The following STAG3 variants were observed in gnomAD, a reference collection of about 807,000 sequenced individuals.
STAG3 encodes cohesin subunit SA-3.
In STAG3, 101 loss-of-function variants were observed where a neutral mutation model predicts 160.7. The observed-to-expected ratio is 0.63, with a 90% CI of 0.54 to 0.74. STAG3 has a LOEUF of 0.74. Among genes scored for constraint, STAG3 ranks in the 30% least tolerant of loss-of-function variants. STAG3 has a pLI of 0.00. For missense variants in STAG3, 1,188 were observed against 1,517.4 expected (o/e 0.78, Z 3.61); for synonymous variants, 519 against 585.0 (o/e 0.89, Z 1.63).
In STAG3 at chr7:100,204,421, C is replaced by T. The variant is rs79986079; in HGVS notation, c.2803-206C>T. Among the ~76,000 whole-genome samples the T allele has an allele frequency of 0.17, 25,159 of 152,114 alleles. 2,657 individuals are homozygous for T. Among genetic ancestry groups the T allele is most frequent in the Middle Eastern group, 0.31 (92 of 294 alleles). On this transcript the variant is annotated intron_variant, in intron 26 of 33. Transcript: ENST00000615138. Reference sequence around the variant, plus strand: ...CTCAGCCTCCTTCAGTTACTATAGACGTTTTTATTTAATGTTATGGAGTAG... The same window carrying T: ...CTCAGCCTCCTTCAGTTACTATAGATGTTTTTATTTAATGTTATGGAGTAG...
intron 21 of STAG3, 124 bp downstream of exon 21, chr7:100,201,475 G>A (rs1450345380): frequency 3.8e-6 from 3 of 797,406 alleles, no homozygotes; most frequent in Admixed American, 4.6e-5. Context: ...GGAAGATCAG[G>A]TGGGTGGGGG....
chr7:100,190,468 A>C (rs1342065144), intron 8 of STAG3, among the ~76,000 whole-genome samples: 2 of 152,172 alleles, frequency 1.3e-5, no homozygotes, highest in Non-Finnish European at 2.9e-5. Flanking sequence ...GTTATTTTGC[A>C]TTGTCAGGTT....
chr7:100,187,328 T>C (rs1455803038), intron 5 of STAG3, among the ~76,000 whole-genome samples: 2 of 152,104 alleles, frequency 1.3e-5, no homozygotes, highest in Non-Finnish European at 2.9e-5. Context: ...TGGCCTGTTT[T>C]TTGGTTTGTT....
Position 100,213,759 on chromosome 7 carries a change from A to T in STAG3, c.3625A>T (p.Ser1209Cys). ...GCAAGCAAGTAGCTACTCTTCCACC[A>T]GTGAGCGCGGGCTGGACCTCTTAGA... Reference protein sequence around the residue: ...DMQASSYSSTSERGLDLLDST... With the variant: ...DMQASSYSSTCERGLDLLDST... The change falls in exon 33 of 34, where the codon AGT (serine) becomes TGT (cysteine). Residue 1209 changes from serine to cysteine, a missense_variant. Around this residue, in one of 4 missense-constraint regions of STAG3, gnomAD observed 647 missense variants for 717.2 expected, o/e 0.90. Transcript: ENST00000615138. 6.2e-7 allele frequency: 1 copy of T among 1,614,228 alleles called. No individual in the cohort carries two copies. Among genetic ancestry groups the T allele is most frequent in the Non-Finnish European group, 8.5e-7 (1 of 1,180,044 alleles).
At chr7:100,194,036 C>T (rs1482068521) in intron 8 of STAG3, among the ~76,000 whole-genome samples, 4 of 148,646 alleles carry the variant, frequency 2.7e-5, no homozygotes, top group Non-Finnish European at 5.9e-5. Context: ...CAACCTCCAT[C>T]TCCTGGGTTC....
intron 29 of STAG3, among the ~76,000 whole-genome samples, chr7:100,205,799 C>G (rs1360256379): frequency 1.3e-5 from 2 of 149,938 alleles, no homozygotes; most frequent in African/African-American, 4.9e-5. Context: ...GACTGCACCC[C>G]AGCCTGGGTG....
At position 100,200,448 on chromosome 7, in the gene STAG3, C is replaced by T. The variant is rs2117308174; in HGVS notation, c.1771-5C>T. ...GTAAGGAGGCCTCCCTGTCAATCAT[C>T]ACAGTTCTCAGCTGATGCAGAGAAG... On this transcript the variant is annotated splice_polypyrimidine_tract_variant and splice_region_variant and intron_variant, in intron 17 of 33. Transcript: ENST00000615138. 1 of 1,614,100 alleles carries T rather than the reference C, an allele frequency of 6.2e-7. No homozygotes were observed. The highest frequency in any genetic ancestry group is 2.2e-5 in the East Asian group (1 of 44,864).
At chr7:100,211,913 A>G (rs766508993) in intron 32 of STAG3, 37 bp downstream of exon 32, 13 of 1,599,020 alleles carry the variant, frequency 8.1e-6, no homozygotes, top group Non-Finnish European at 1.1e-5. Context: ...CTCAAGAACT[A>G]GGGGCTGATG....
chr7:100,198,686 C>A, intron 13 of STAG3, 104 bp downstream of exon 13: 1 of 1,266,462 alleles, frequency 7.9e-7, no homozygotes, highest in Non-Finnish European at 1.1e-6. Context: ...TGAAAGTCTC[C>A]CTGGTGTCTC....
chr7:100,186,538 G>T (rs1271241256), intron 5 of STAG3, among the ~76,000 whole-genome samples: 1 of 152,092 alleles, frequency 6.6e-6, no homozygotes. Flanking sequence ...GGGAAACATG[G>T]CGAAACCCCT....
At position 100,186,246 on chromosome 7, in the gene STAG3, C is replaced by G. The variant is rs140896359; in HGVS notation, c.383C>G (p.Ala128Gly). The G allele has an allele frequency of 1.1e-5, 17 of 1,614,062 alleles. No homozygotes were observed. In the African/African-American group the frequency reaches 2.1e-4, roughly 20 times the overall value. ...WLDSYKQDQD[A>G]GFLELVNFFI... Reference sequence around the variant, plus strand: ...GATAGCTACAAGCAAGACCAGGATGCAGGATTTCTGGAGCTTGTTAACTTT... The same window carrying G: ...GATAGCTACAAGCAAGACCAGGATGGAGGATTTCTGGAGCTTGTTAACTTT... Residue 128 changes from alanine (A) to glycine (G), a missense_variant, in exon 5 of 34, where the codon GCA becomes GGA. Around this residue, in one of 4 missense-constraint regions of STAG3, gnomAD observed 296 missense variants for 404.0 expected, o/e 0.73. Coordinates refer to ENST00000615138, the MANE Select transcript of STAG3 (RefSeq NM_001282717.2).
In STAG3 at chr7:100,180,483, T is replaced by G. The variant is rs764774244; in HGVS notation, c.-64-10T>G. The G allele has an allele frequency of 3.5e-6, 3 of 865,556 alleles. No homozygotes were observed. Among genetic ancestry groups the G allele is most frequent in the Non-Finnish European group, 5.9e-6 (3 of 504,948 alleles). 53.6% of individuals were successfully genotyped at this position (865,556 alleles called of 1,614,324 possible). Reference sequence around the variant, plus strand: ...TGTGGTAGGAGCCCTTTCTTCTCTTTCTTCCCCAGCTGGATCGCCATACCT... The same window carrying G: ...TGTGGTAGGAGCCCTTTCTTCTCTTGCTTCCCCAGCTGGATCGCCATACCT... On this transcript the variant is annotated splice_polypyrimidine_tract_variant and intron_variant, in intron 1 of 33. Coordinates refer to ENST00000615138, the MANE Select transcript of STAG3 (RefSeq NM_001282717.2).
rs976681780 is a variant in STAG3, at chr7:100,213,717, T to A, written c.3601-18T>A. ...AGTGTGTAAAGGCCTTTTTGACTTT[T>A]AACCTCATTCTCTCTAGCAAGCAAG... On this transcript the variant is annotated intron_variant, in intron 32 of 33. Coordinates refer to ENST00000615138, the MANE Select transcript of STAG3 (RefSeq NM_001282717.2). 1 of 1,614,002 alleles carries A rather than the reference T, an allele frequency of 6.2e-7. No homozygotes were observed. Among genetic ancestry groups the A allele is most frequent in the African/African-American group, 1.3e-5 (1 of 74,928 alleles).
At position 100,197,819 on chromosome 7, in the gene STAG3, G is replaced by A; in HGVS notation, c.1107G>A (p.Gly369=). 1 of 1,613,890 alleles carries A rather than the reference G, an allele frequency of 6.2e-7. No individual in the cohort carries two copies. Among genetic ancestry groups the A allele is most frequent in the Non-Finnish European group, 8.5e-7 (1 of 1,179,980 alleles). The stretch of plus-strand genomic sequence containing the variant: ...TGAAGTGTGTGAAGGCCCTGAAAGG[G>A]CTGTACGGTAACCGGGACCTGACCA... ...VRLKCVKALK[G]LYGNRDLTTR... The change falls in exon 11 of 34, where the codon GGG becomes GGA. Residue 369 remains glycine, a synonymous_variant. Transcript: ENST00000615138.
chr7:100,214,551 G>T (rs1802600681), downstream of STAG3, among the ~76,000 whole-genome samples: 1 of 152,040 alleles, frequency 6.6e-6, no homozygotes, highest in African/African-American at 2.4e-5. Flanking sequence ...AGGCAGTAGA[G>T]ATGGGGAGAG....
chr7:100,199,726 T>A, intron 16 of STAG3, 82 bp downstream of exon 16: 1 of 1,105,460 alleles, frequency 9.0e-7, no homozygotes, highest in Non-Finnish European at 1.3e-6. Context: ...CAGGCTGGGG[T>A]TAGGGTGCTC....
At chr7:100,216,243 G>A (rs1222922176), downstream of STAG3, among the ~76,000 whole-genome samples, 5 of 152,128 alleles carry the variant, frequency 3.3e-5, no homozygotes, top group African/African-American at 9.7e-5. Context: ...CATAGCAACC[G>A]GAACAGGGCC....
rs35965210 is a variant in STAG3, at chr7:100,180,880, G to GT, written c.116+225dup. The GT allele has an allele frequency of 0.2, 43,217 of 221,346 alleles. 2,137 individuals carry two copies. Among genetic ancestry groups the GT allele is most frequent in the Middle Eastern group, 0.3 (159 of 526 alleles). 13.7% of individuals were successfully genotyped at this position (221,346 alleles called of 1,614,324 possible). A position where few individuals can be genotyped will look rare whatever the true frequency, so the allele number is the denominator to read the frequency against. ...AGACATCAAAATAGTAGTACATCCT[G>GT]TTTTTTTTTTTTTTTTTGAGACGGA... On this transcript the variant is annotated intron_variant, in intron 2 of 33. Coordinates refer to ENST00000615138, the MANE Select transcript of STAG3 (RefSeq NM_001282717.2).
chr7:100,211,591 T>G, intron 31 of STAG3, 52 bp downstream of exon 31: 1 of 1,589,376 alleles, frequency 6.3e-7, no homozygotes, highest in South Asian at 1.1e-5. Context: ...TCGCCCACTG[T>G]GAGGGGATTC....
Sources: allele counts gnomAD v4.1 joint callset (sites outside exome capture counted in the v4.1 genomes callset), GRCh38; gene constraint gnomAD v4.1.1; regional missense constraint gnomAD v4.1.1; transcripts MANE v1.5; gene names NCBI Gene and HGNC (gene_info 2026-07-23, HGNC 2026-07-21).